The following DPP10 variants were observed in gnomAD, a reference collection of about 807,000 sequenced individuals.
The protein encoded by DPP10 is dipeptidyl peptidase like 10.
DPP10 carries 33 observed loss-of-function variants against 120.9 expected under a neutral mutation model. The observed-to-expected ratio is 0.27, with a 90% CI of 0.21 to 0.37. The LOEUF (loss-of-function observed/expected upper bound fraction) is 0.37, where lower values mean the gene tolerates loss of function less well. DPP10 is among the 10% of genes least tolerant of loss of function. DPP10 has a pLI of 1.00. For synonymous variants in DPP10, 337 were observed against 326.1 expected (o/e 1.03, Z -0.36); for missense variants, 816 against 942.8 (o/e 0.87, Z 1.76).
At chr2:115,199,253 T>C (rs1473708817) in intron 1 of DPP10, among the ~76,000 whole-genome samples, 1 of 152,062 alleles carries the variant, frequency 6.6e-6, no homozygotes, top group African/African-American at 2.4e-5. Context: ...CAGCCACACT[T>C]ACAGTAACTT....
intron 1 of DPP10, among the ~76,000 whole-genome samples, chr2:114,497,115 A>G (rs1019888632): frequency 3.4e-5 from 5 of 147,816 alleles, no homozygotes; most frequent in African/African-American, 9.8e-5. Context: ...GTACGTATAC[A>G]TGCACACGTG....
intron 1 of DPP10, among the ~76,000 whole-genome samples, chr2:114,705,190 A>G (rs1413006349): frequency 6.6e-6 from 1 of 152,206 alleles, no homozygotes; most frequent in Non-Finnish European, 1.5e-5. Context: ...GGACCTCTTC[A>G]TAGACCCAAC....
chr2:115,089,963 T>A (rs1448932107), intron 1 of DPP10, among the ~76,000 whole-genome samples: 1 of 152,162 alleles, frequency 6.6e-6, no homozygotes, highest in Non-Finnish European at 1.5e-5. Flanking sequence ...CTCTTGCCTT[T>A]CATATCTATG....
intron 1 of DPP10, among the ~76,000 whole-genome samples, chr2:115,175,594 A>T (rs1014707242): frequency 1.3e-4 from 20 of 152,340 alleles, no homozygotes; most frequent in African/African-American, 4.6e-4. Context: ...TTTGGAGTTT[A>T]AAAAACTTAT....
At chr2:115,803,845 T>C (rs1395187385) in intron 19 of DPP10, among the ~76,000 whole-genome samples, 1 of 152,138 alleles carries the variant, frequency 6.6e-6, no homozygotes, top group African/African-American at 2.4e-5. Flanking sequence ...CCGACCTTTC[T>C]CTCTGGCTGC....
chr2:114,612,754 G>A (rs1325404386), intron 1 of DPP10, among the ~76,000 whole-genome samples: 1 of 152,158 alleles, frequency 6.6e-6, no homozygotes, highest in Admixed American at 6.6e-5. Context: ...TACCAGCCAT[G>A]TGGCATTGAC....
intron 19 of DPP10, among the ~76,000 whole-genome samples, chr2:115,804,289 T>G (rs1188245367): frequency 6.6e-6 from 1 of 152,228 alleles, no homozygotes. Context: ...CAACAGGTCC[T>G]TTAAGGACTT....
intron 1 of DPP10, among the ~76,000 whole-genome samples, chr2:114,880,625 T>C (rs1574405244): frequency 6.6e-6 from 1 of 152,162 alleles, no homozygotes; most frequent in Non-Finnish European, 1.5e-5. Flanking sequence ...TGGTCAATCA[T>C]TAATGAGAAA....
At chr2:114,483,350 T>G (rs1295024240) in intron 1 of DPP10, among the ~76,000 whole-genome samples, 1 of 152,138 alleles carries the variant, frequency 6.6e-6, no homozygotes, top group Non-Finnish European at 1.5e-5. Flanking sequence ...GTTTTCTTCC[T>G]CTACCATGTA....
intron 1 of DPP10, among the ~76,000 whole-genome samples, chr2:114,939,752 T>C (rs1223204067): frequency 3.3e-5 from 5 of 152,168 alleles, no homozygotes; most frequent in African/African-American, 1.2e-4. Flanking sequence ...CTTTGGATAA[T>C]TTCTGTGATT....
At chr2:114,784,367 A>G (rs1233971301) in intron 1 of DPP10, among the ~76,000 whole-genome samples, 1 of 152,004 alleles carries the variant, frequency 6.6e-6, no homozygotes, top group Non-Finnish European at 1.5e-5. Context: ...ACTTAAAAAT[A>G]TTTTCTACTT....
chr2:115,513,909 C>T (rs917318272), intron 4 of DPP10, among the ~76,000 whole-genome samples: 6 of 152,074 alleles, frequency 3.9e-5, no homozygotes, highest in Admixed American at 2.0e-4. Context: ...TCATTTCAGC[C>T]TGAAGGACTT....
In DPP10 at chr2:114,784,238, ATCAC is replaced by A. The variant is rs1265344794; in HGVS notation, c.60+341406_60+341409del. ...CCATTCATTTTTGACTCCCTCAGCT[ATCAC>A]TCACTTTATAGATAAAGTTCAGAGT... On this transcript the variant is annotated intron_variant, in intron 1 of 25. Transcript: ENST00000410059. Among the ~76,000 whole-genome samples, 7 of 152,250 alleles carry A rather than the reference ATCAC, an allele frequency of 4.6e-5. No individual in the cohort carries two copies. The South Asian group carries it at 1.5e-3, about 32-fold the overall frequency.
intron 1 of DPP10, among the ~76,000 whole-genome samples, chr2:115,091,525 C>T (rs757658921): frequency 6.6e-6 from 1 of 152,070 alleles, no homozygotes; most frequent in Non-Finnish European, 1.5e-5. Flanking sequence ...ACTCTCCTCG[C>T]CTTCTCCCCC....
intron 1 of DPP10, among the ~76,000 whole-genome samples, chr2:114,715,411 G>GA (rs940635941): frequency 4.6e-5 from 7 of 151,498 alleles, no homozygotes; most frequent in Non-Finnish European, 7.4e-5. Context: ...GGTTGAAAAT[G>GA]AAAAAAAATC....
intron 1 of DPP10, among the ~76,000 whole-genome samples, chr2:115,056,482 C>A (rs1705924106): frequency 6.6e-6 from 1 of 152,126 alleles, no homozygotes; most frequent in Non-Finnish European, 1.5e-5. Flanking sequence ...ACCTCAGCTC[C>A]CTCAGTAGCT....
chr2:115,109,989 A>G (rs1454969835), intron 1 of DPP10, among the ~76,000 whole-genome samples: 2 of 152,218 alleles, frequency 1.3e-5, no homozygotes, highest in African/African-American at 4.8e-5. Flanking sequence ...TAACTTAGCA[A>G]GTATGAGCCT....
intron 5 of DPP10, among the ~76,000 whole-genome samples, chr2:115,530,644 C>T (rs1384804222): frequency 6.6e-6 from 1 of 151,596 alleles, no homozygotes; most frequent in East Asian, 1.9e-4. Context: ...TTGACTACTG[C>T]ACTCCAGCCT....
chr2:114,958,232 C>T lies in DPP10; in HGVS notation c.61-351007C>T, dbSNP rs137889952. 5.1e-4 allele frequency among the ~76,000 whole-genome samples: 78 copies of T among 152,276 alleles called. No individual in the cohort carries two copies. In the East Asian group the frequency reaches 9.3e-3, roughly 18 times the overall value. ...ATTTGAACACAGTTTGAACACTCAG[C>T]AGTGTATGAGTGGTTGAAGTATGGC... On this transcript the variant is annotated intron_variant, in intron 1 of 25. Coordinates refer to ENST00000410059, the MANE Select transcript of DPP10 (RefSeq NM_020868.6).
Sources: allele counts gnomAD v4.1 joint callset (sites outside exome capture counted in the v4.1 genomes callset), GRCh38; gene constraint gnomAD v4.1.1; transcripts MANE v1.5; gene names NCBI Gene and HGNC (gene_info 2026-07-23, HGNC 2026-07-21).